TTLL5: variants seen among roughly 807,000 people sequenced by gnomAD.
TTLL5 encodes the protein tubulin polyglutamylase TTLL5.
A neutral mutation model predicts 168.4 loss-of-function variants in TTLL5; 132 were observed. That is an observed-to-expected ratio of 0.78 (90% CI 0.68 to 0.91). The LOEUF (loss-of-function observed/expected upper bound fraction) is 0.91. Among genes scored for constraint, TTLL5 ranks in the 40% least tolerant of loss-of-function variants. The pLI is 0.00. For missense variants in TTLL5, 1,545 were observed against 1,581.5 expected (o/e 0.98, Z 0.39); for synonymous variants, 546 against 558.6 (o/e 0.98, Z 0.32).
chr14:75,947,083 A>G (rs543712439), intron 31 of TTLL5, among the ~76,000 whole-genome samples: 1 of 152,348 alleles, frequency 6.6e-6, no homozygotes, highest in Admixed American at 6.5e-5. Context: ...TTCTGAGTGT[A>G]GTGGTAGCCA....
chr14:75,870,974 T>C (rs888434397), intron 29 of TTLL5, among the ~76,000 whole-genome samples: 5 of 151,936 alleles, frequency 3.3e-5, no homozygotes, highest in Non-Finnish European at 7.4e-5. Flanking sequence ...TTTTGTATTT[T>C]TAGTAGAGAC....
In TTLL5 at chr14:75,769,589, G is replaced by T. The variant is rs1486401801; in HGVS notation, c.2016-2145G>T. 2.2e-3 allele frequency among the ~76,000 whole-genome samples: 330 copies of T among 152,276 alleles called. 2 individuals are homozygous for T. Among genetic ancestry groups the T allele is most frequent in the African/African-American group, 7.4e-3 (306 of 41,548 alleles). On this transcript the variant is annotated intron_variant, in intron 20 of 31. Coordinates refer to ENST00000298832, the MANE Select transcript of TTLL5 (RefSeq NM_015072.5). ...GATTCACAACAAAACAATGATTGAA[G>T]TCTCAACTTATGAGCAATAATCCCC... is the stretch of plus-strand genomic sequence containing the variant.
At chr14:75,676,971 T>C (rs896462670) in intron 3 of TTLL5, among the ~76,000 whole-genome samples, 3 of 151,894 alleles carry the variant, frequency 2.0e-5, no homozygotes, top group Non-Finnish European at 4.4e-5. Context: ...CAGGGTCTCC[T>C]ATGTTGCTCA....
chr14:75,717,741 C>G, intron 9 of TTLL5, 120 bp from the exon 10 acceptor site: 1 of 875,882 alleles, frequency 1.1e-6, no homozygotes, highest in South Asian at 1.7e-5. Context: ...TTAGTAGGCA[C>G]TTGGTATTTG....
chr14:75,800,162 T>G (rs973160505), intron 27 of TTLL5, among the ~76,000 whole-genome samples: 3 of 152,198 alleles, frequency 2.0e-5, no homozygotes, highest in Non-Finnish European at 4.4e-5. Context: ...TGTTCATTTT[T>G]GGGGATGCCT....
At chr14:75,761,708 G>GA (rs1451236021) in intron 18 of TTLL5, among the ~76,000 whole-genome samples, 2 of 152,190 alleles carry the variant, frequency 1.3e-5, no homozygotes, top group East Asian at 3.8e-4. Flanking sequence ...ATAGGAGTGG[G>GA]AAGGGGCATG....
At chr14:75,811,171 GTGTGTGTGTGTGTGTGTA>G (rs1481436667) in intron 27 of TTLL5, among the ~76,000 whole-genome samples, 9 of 147,072 alleles carry the variant, frequency 6.1e-5, no homozygotes, top group Admixed American at 2.0e-4. Flanking sequence ...GTGTGTGTGT[GTGTGTGTGTGTGTGTGTA>G]TGTGTGTGTG....
At chr14:75,844,373 T>C (rs1021584933) in intron 28 of TTLL5, among the ~76,000 whole-genome samples, 1 of 152,238 alleles carries the variant, frequency 6.6e-6, no homozygotes, top group Non-Finnish European at 1.5e-5. Flanking sequence ...CAGTTGAGCA[T>C]ATTTGTGTGG....
At chr14:75,802,074 T>C (rs1220517664) in intron 27 of TTLL5, among the ~76,000 whole-genome samples, 1 of 152,166 alleles carries the variant, frequency 6.6e-6, no homozygotes, top group African/African-American at 2.4e-5. Context: ...CTTTTTTTTG[T>C]TTTCCCTTTT....
rs1892262303 is a variant in TTLL5, at chr14:75,784,661, T to C, written c.2986+1131T>C. Among the ~76,000 whole-genome samples the C allele has an allele frequency of 1.3e-5, 2 of 152,358 alleles. 1 individual carries two copies. The highest frequency in any genetic ancestry group is 4.1e-4 in the South Asian group (2 of 4,828). ...TTTGTATTTCCTCTTTTTGAGGAACTTCTAAACTGTTTTCCAAAGTCGCTG... is the reference window on the plus strand; with the variant it reads ...TTTGTATTTCCTCTTTTTGAGGAACCTCTAAACTGTTTTCCAAAGTCGCTG... On this transcript the variant is annotated intron_variant, in intron 26 of 31. Transcript: ENST00000298832.
chr14:75,687,165 T>C (rs893624296), intron 5 of TTLL5, among the ~76,000 whole-genome samples: 1 of 152,170 alleles, frequency 6.6e-6, no homozygotes, highest in Non-Finnish European at 1.5e-5. Context: ...ACTGTAAAAC[T>C]TATAGAAGAA....
At chr14:75,827,424 G>C (rs1249676600) in intron 28 of TTLL5, among the ~76,000 whole-genome samples, 1 of 152,140 alleles carries the variant, frequency 6.6e-6, no homozygotes, top group Non-Finnish European at 1.5e-5. Context: ...ATTAGGAAAA[G>C]CCAAATTTTA....
At chr14:75,849,174 C>T (rs913606693) in intron 28 of TTLL5, among the ~76,000 whole-genome samples, 2 of 152,228 alleles carry the variant, frequency 1.3e-5, no homozygotes, top group Non-Finnish European at 2.9e-5. Context: ...ACATCTCCCT[C>T]CCCAGCATCT....
At chr14:75,912,329 C>G (rs1299164177) in intron 31 of TTLL5, among the ~76,000 whole-genome samples, 2 of 152,162 alleles carry the variant, frequency 1.3e-5, no homozygotes, top group Non-Finnish European at 2.9e-5. Flanking sequence ...CAGACAGATG[C>G]CAGCCTGGTA....
intron 28 of TTLL5, among the ~76,000 whole-genome samples, chr14:75,837,820 T>C (rs1895953240): frequency 2.0e-5 from 3 of 152,116 alleles, no homozygotes; most frequent in Admixed American, 2.0e-4. Flanking sequence ...ATTAAACATA[T>C]ATATATGTGT....
At chr14:75,863,911 TAA>T (rs76733656) in intron 29 of TTLL5, 49 bp downstream of exon 29, 2,083 of 99,326 alleles carry the variant, frequency 0.021, no homozygotes, top group Non-Finnish European at 0.025. Flanking sequence ...CTGCTGTTGG[TAA>T]AAAAAAAAAA....
intron 4 of TTLL5, among the ~76,000 whole-genome samples, chr14:75,683,003 C>T (rs1380532698): frequency 6.6e-6 from 1 of 152,104 alleles, no homozygotes; most frequent in African/African-American, 2.4e-5. Context: ...AACTCCTGAG[C>T]TCAAGCGCTC....
At chr14:75,940,533 G>A (rs2034568699) in intron 31 of TTLL5, among the ~76,000 whole-genome samples, 1 of 152,108 alleles carries the variant, frequency 6.6e-6, no homozygotes, top group African/African-American at 2.4e-5. Flanking sequence ...AACTAGCATG[G>A]TAGATACATC....
chr14:75,872,130 C>A (rs2031086697), intron 29 of TTLL5, among the ~76,000 whole-genome samples: 1 of 152,160 alleles, frequency 6.6e-6, no homozygotes, highest in African/African-American at 2.4e-5. Flanking sequence ...ATGGCTGATC[C>A]TTTGATGTTA....
Sources: allele counts gnomAD v4.1 joint callset (sites outside exome capture counted in the v4.1 genomes callset), GRCh38; gene constraint gnomAD v4.1.1; transcripts MANE v1.5; gene names NCBI Gene and HGNC (gene_info 2026-07-23, HGNC 2026-07-21).